GCC2: variants seen among roughly 807,000 people sequenced by gnomAD.
GCC2 encodes GRIP and coiled-coil domain containing 2.
GCC2 carries 120 observed loss-of-function variants against 210.6 expected under a neutral mutation model. That is an observed-to-expected ratio of 0.57 (90% CI 0.49 to 0.66). GCC2 has a LOEUF of 0.66. GCC2 is among the 30% of genes least tolerant of loss of function. GCC2 has a pLI of 0.00. For missense variants in GCC2, 1,868 were observed against 1,871.9 expected, an observed-to-expected ratio of 1.00 and a Z score of 0.04; for synonymous variants, 703 against 652.7, an observed-to-expected ratio of 1.08 and a Z score of -1.17.
chr2:108,475,574 TAAA>T lies in GCC2; in HGVS notation c.2901_2903del (p.Asn968del). ...GAATGCAAAGAAAAGGAGGAGAAAA[TAAA>T]TAAGATAAAATTAGTTGCCGTAAAG... is the stretch of plus-strand genomic sequence containing the variant. On this transcript the variant is annotated inframe_deletion, in exon 8 of 23. Transcript: ENST00000309863. 1 of 1,527,046 alleles carries T rather than the reference TAAA, an allele frequency of 6.5e-7. No individual in the cohort carries two copies. Among genetic ancestry groups the T allele is most frequent in the Non-Finnish European group, 8.8e-7 (1 of 1,136,668 alleles). 94.6% of individuals were successfully genotyped at this position (1,527,046 alleles called of 1,614,324 possible).
intron 6 of GCC2, 124 bp from the exon 7 acceptor site, chr2:108,472,703 T>G: frequency 1.6e-6 from 1 of 640,422 alleles, no homozygotes; most frequent in Non-Finnish European, 2.7e-6. Flanking sequence ...AATTGGTTTC[T>G]GTAGGAATTC....
At position 108,471,973 on chromosome 2, in the gene GCC2, G is replaced by A. The variant is rs1224741919; in HGVS notation, c.2644G>A (p.Val882Ile). ...TGAAAATCAGAATCTTTTAATTCAAGTTGAAGAAGTATCTCAAACATGTAG... is the reference window on the plus strand; with the variant it reads ...TGAAAATCAGAATCTTTTAATTCAAATTGAAGAAGTATCTCAAACATGTAG... Reference protein sequence around the residue: ...RLENQNLLIQVEEVSQTCSKS... With the variant: ...RLENQNLLIQIEEVSQTCSKS... The change falls in exon 6 of 23, where the codon GTT becomes ATT. Residue 882 changes from valine to isoleucine, a missense_variant. Val to Ile is a conservative substitution (Grantham distance 29). Coordinates refer to ENST00000309863, the MANE Select transcript of GCC2 (RefSeq NM_181453.4). 1 of 1,604,020 alleles carries A rather than the reference G, an allele frequency of 6.2e-7. No individual in the cohort carries two copies. Among genetic ancestry groups the A allele is most frequent in the Admixed American group, 1.7e-5 (1 of 57,516 alleles).
intron 4 of GCC2, among the ~76,000 whole-genome samples, chr2:108,458,710 C>T (rs1057107663): frequency 3.9e-5 from 6 of 151,954 alleles, no homozygotes; most frequent in African/African-American, 1.2e-4. Flanking sequence ...TTTGTGGGTG[C>T]ATAGCTGTTC....
chr2:108,460,708 G>T (rs1159894776), intron 4 of GCC2, among the ~76,000 whole-genome samples: 1 of 152,088 alleles, frequency 6.6e-6, no homozygotes, highest in East Asian at 1.9e-4. Context: ...GCTGATTATA[G>T]TATCTTTGTG....
chr2:108,506,394 A>G (rs1223368353), intron 22 of GCC2, among the ~76,000 whole-genome samples: 1 of 152,090 alleles, frequency 6.6e-6, no homozygotes, highest in East Asian at 1.9e-4. Context: ...GATTCTACTT[A>G]TATGACACTC....
chr2:108,483,258 C>A, intron 12 of GCC2, 92 bp downstream of exon 12: 1 of 702,776 alleles, frequency 1.4e-6, no homozygotes, highest in Non-Finnish European at 2.5e-6. Context: ...CAATCTCACT[C>A]TGTGGCCCAG....
At chr2:108,504,507 C>G (rs752516872) in intron 22 of GCC2, among the ~76,000 whole-genome samples, 1 of 152,138 alleles carries the variant, frequency 6.6e-6, no homozygotes, top group Non-Finnish European at 1.5e-5. Flanking sequence ...TAGAGTGTAA[C>G]AGTAGTCCCC....
At chr2:108,449,494 G>T in intron 1 of GCC2, 139 bp from the exon 2 acceptor site, 2 of 1,188,872 alleles carry the variant, frequency 1.7e-6, no homozygotes, top group Non-Finnish European at 2.4e-6. Context: ...GACCGCCTCC[G>T]TCCGCCCTCA....
In GCC2 at chr2:108,509,181, A is replaced by T. The variant is rs1019510323; in HGVS notation, c.*1551A>T. The T allele has an allele frequency of 6.6e-6, 1 of 152,658 alleles. No individual in the cohort carries two copies. Among genetic ancestry groups the T allele is most frequent in the African/African-American group, 2.4e-5 (1 of 41,464 alleles). The allele number at this position is 152,658 out of a possible 1,614,324, so 9.5% of individuals were successfully genotyped here. ...AGCTGCATACGATGTAACTAATCATATTTAAATATATTTCACTTTCTCTTT... is the reference window on the plus strand; with the variant it reads ...AGCTGCATACGATGTAACTAATCATTTTTAAATATATTTCACTTTCTCTTT... On this transcript the variant is annotated 3_prime_UTR_variant, in exon 23 of 23. Coordinates refer to ENST00000309863, the MANE Select transcript of GCC2 (RefSeq NM_181453.4).
Position 108,475,591 on chromosome 2 carries a change from G to A in GCC2, c.2917G>A (p.Val973Ile). The A allele has an allele frequency of 6.5e-7, 1 of 1,540,582 alleles. No individual in the cohort carries two copies. The highest frequency in any genetic ancestry group is 8.7e-7 in the Non-Finnish European group (1 of 1,147,060). ...GGAGAAAATAAATAAGATAAAATTA[G>A]TTGCCGTAAAGGCAAAGAAAGAACT... Reference protein sequence around the residue: ...KEEKINKIKLVAVKAKKELDS... With the variant: ...KEEKINKIKLIAVKAKKELDS... Residue 973 changes from valine to isoleucine, a missense_variant, in exon 8 of 23, where the codon GTT becomes ATT. By Grantham distance (29) the Val-to-Ile change is conservative. Coordinates refer to ENST00000309863, the MANE Select transcript of GCC2 (RefSeq NM_181453.4).
Position 108,495,464 on chromosome 2 carries a change from A to G in GCC2, c.4621A>G (p.Asn1541Asp). 1 of 1,592,642 alleles carries G rather than the reference A, an allele frequency of 6.3e-7. No individual in the cohort carries two copies. The highest frequency in any genetic ancestry group is 1.1e-5 in the South Asian group (1 of 90,122). ...CACACAGTCTTTAGAGCAGCTGCTT[A>G]ACTCTCCCGAAACTAAACTTGGTAT... ...TYTQSLEQLLNSPETKLEPPL... is the reference protein window; with the variant it reads ...TYTQSLEQLLDSPETKLEPPL... Residue 1541 changes from asparagine (N) to aspartate (D), a missense_variant, in exon 20 of 23, where the codon AAC (asparagine) becomes GAC (aspartate). Transcript: ENST00000309863.
intron 4 of GCC2, chr2:108,462,553 TTC>T (rs574695001): frequency 3.3e-5 from 2 of 59,726 alleles, no homozygotes; most frequent in African/African-American, 7.9e-5. Context: ...TCACAAAGAC[TTC>T]GCTTCTTTTT....
rs139018047 is a variant in GCC2, at chr2:108,475,313, A to C, written c.2861-222A>C. On this transcript the variant is annotated intron_variant, in intron 7 of 22. Coordinates refer to ENST00000309863, the MANE Select transcript of GCC2 (RefSeq NM_181453.4). ...ACATATGAAACGGCTAGAAAAAAGT[A>C]GACTATTTTGGAGGATTAAAGACAA... 1,616 of 307,732 alleles carry C rather than the reference A, an allele frequency of 5.3e-3. 12 individuals carry two copies. The highest frequency in any genetic ancestry group is 0.019 in the East Asian group (320 of 16,542). The allele number at this position is 307,732 out of a possible 1,614,324, so 19.1% of individuals were successfully genotyped here. A position where few individuals can be genotyped will look rare whatever the true frequency, so the allele number is the denominator to read the frequency against.
intron 16 of GCC2, among the ~76,000 whole-genome samples, 193 bp downstream of exon 16, chr2:108,486,841 T>C (rs1239714004): frequency 6.6e-6 from 1 of 152,256 alleles, no homozygotes; most frequent in East Asian, 1.9e-4. Context: ...GATCACTTTT[T>C]TTGCCAAAAG....
At chr2:108,503,425 C>G (rs55954843) in intron 22 of GCC2, among the ~76,000 whole-genome samples, 6,023 of 152,194 alleles carry the variant, frequency 0.04, 177 homozygotes, top group Middle Eastern at 0.078. Context: ...GTACTTTAAG[C>G]AAAAAGAAAA....
At chr2:108,502,653 G>GTT (rs1558763402) in intron 22 of GCC2, among the ~76,000 whole-genome samples, 39 of 152,160 alleles carry the variant, frequency 2.6e-4, no homozygotes, top group Non-Finnish European at 4.3e-4. Context: ...TGTAAGGCCT[G>GTT]GCACGGTGGC....
rs374884814 is a variant in GCC2 at position 108,493,436 on chromosome 2, G to A, written c.4447+646G>A. On this transcript the variant is annotated intron_variant, in intron 19 of 22. Transcript: ENST00000309863. Reference sequence around the variant, plus strand: ...TCACCAGATTTCTTTCATGTTCTCCGTTGTTAGACATCAAATTTGTCTACT... The same window carrying A: ...TCACCAGATTTCTTTCATGTTCTCCATTGTTAGACATCAAATTTGTCTACT... 1.7e-4 allele frequency: 169 copies of A among 984,738 alleles called. No homozygotes were observed. In the South Asian group the frequency reaches 5.6e-3, roughly 33 times the overall value. 61.0% of individuals were successfully genotyped at this position (984,738 alleles called of 1,614,324 possible). A position where few individuals can be genotyped will look rare whatever the true frequency, so the allele number is the denominator to read the frequency against.
intron 12 of GCC2, among the ~76,000 whole-genome samples, chr2:108,483,835 T>TGTCATATGTACATATGTAATATGTC (rs1163969150): frequency 6.6e-6 from 1 of 152,180 alleles, no homozygotes; most frequent in Non-Finnish European, 1.5e-5. Context: ...AAATGTACTA[T>TGTCATATGTACATATGTAATATGTC]AAGAGCCACT....
intron 22 of GCC2, among the ~76,000 whole-genome samples, chr2:108,506,289 A>G (rs1683181798): frequency 1.3e-5 from 2 of 152,368 alleles, no homozygotes; most frequent in South Asian, 4.1e-4. Flanking sequence ...GCTCAGCAAT[A>G]AAAAAGAATG....
Sources: allele counts gnomAD v4.1 joint callset (sites outside exome capture counted in the v4.1 genomes callset), GRCh38; gene constraint gnomAD v4.1.1; transcripts MANE v1.5; gene names NCBI Gene and HGNC (gene_info 2026-07-23, HGNC 2026-07-21).